Variants in MED12L observed in about 807,000 individuals in gnomAD.
MED12L encodes mediator complex subunit 12L.
MED12L carries 60 observed loss-of-function variants against 281.3 expected under a neutral mutation model. That is an observed-to-expected ratio of 0.21 (90% CI 0.17 to 0.26). The LOEUF is 0.26. Ranked by LOEUF, MED12L falls within the 10% of genes least tolerant of loss-of-function variation. The probability of loss-of-function intolerance (pLI) is 1.00; values close to 1 mark genes in which losing one functional copy is unlikely to be tolerated. For missense variants in MED12L, 2,146 were observed against 2,680.9 expected (o/e 0.80, Z 4.41); for synonymous variants, 974 against 987.2 (o/e 0.99, Z 0.25).
intron 2 of MED12L, among the ~76,000 whole-genome samples, chr3:151,095,262 T>C (rs1049298878): frequency 6.6e-6 from 1 of 152,218 alleles, no homozygotes; most frequent in Non-Finnish European, 1.5e-5. Context: ...AGCTTGAAAT[T>C]GGCCATACAA....
chr3:151,318,820 C>T (rs1007929299), intron 16 of MED12L, among the ~76,000 whole-genome samples: 1 of 152,134 alleles, frequency 6.6e-6, no homozygotes, highest in Non-Finnish European at 1.5e-5. Flanking sequence ...ATGAAATTTT[C>T]CTGTATAATG....
At chr3:151,151,284 G>A (rs1560097175) in intron 5 of MED12L, among the ~76,000 whole-genome samples, 2 of 151,806 alleles carry the variant, frequency 1.3e-5, no homozygotes, top group Admixed American at 6.6e-5. Flanking sequence ...TGATCCGCAT[G>A]CCTCTGCCTC....
chr3:151,146,635 G>T (rs1717797507), intron 5 of MED12L, among the ~76,000 whole-genome samples: 1 of 152,182 alleles, frequency 6.6e-6, no homozygotes, highest in Non-Finnish European at 1.5e-5. Context: ...GAGGGAAATG[G>T]CTGGTTTAAA....
chr3:151,133,378 G>C (rs983323596), intron 5 of MED12L, among the ~76,000 whole-genome samples: 2 of 152,156 alleles, frequency 1.3e-5, no homozygotes, highest in African/African-American at 4.8e-5. Flanking sequence ...TTGCTGCCCT[G>C]GGGAGCTTGC....
intron 16 of MED12L, among the ~76,000 whole-genome samples, chr3:151,308,815 G>T (rs1386881899): frequency 6.6e-6 from 1 of 152,234 alleles, no homozygotes; most frequent in African/African-American, 2.4e-5. Flanking sequence ...TAGAACTGTT[G>T]TCAGGTTAGC....
At chr3:151,398,023 G>A (rs1715206725) in intron 39 of MED12L, among the ~76,000 whole-genome samples, 1 of 152,074 alleles carries the variant, frequency 6.6e-6, no homozygotes, top group Non-Finnish European at 1.5e-5. Context: ...TCAGACACTG[G>A]GCTGTATACT....
rs558809421 is a variant in MED12L, at chr3:151,244,975, A to G, written c.2250+51309A>G. 7.9e-5 allele frequency among the ~76,000 whole-genome samples: 12 copies of G among 151,368 alleles called. No homozygotes were observed. The East Asian group carries it at 2.4e-3, about 30-fold the overall frequency. ...CCACAGAAATACAAACTACCATCAGATAATACTACAAACACCTCTACGCAA... is the reference window on the plus strand; with the variant it reads ...CCACAGAAATACAAACTACCATCAGGTAATACTACAAACACCTCTACGCAA... On this transcript the variant is annotated intron_variant, in intron 16 of 44. Transcript: ENST00000687756.
chr3:151,105,931 G>A (rs1721958179), intron 2 of MED12L, among the ~76,000 whole-genome samples: 1 of 152,148 alleles, frequency 6.6e-6, no homozygotes, highest in Non-Finnish European at 1.5e-5. Context: ...CAAAAGTCTA[G>A]GACATCGTTG....
intron 9 of MED12L, among the ~76,000 whole-genome samples, chr3:151,164,459 G>T (rs1720423783): frequency 6.6e-6 from 1 of 152,014 alleles, no homozygotes; most frequent in Admixed American, 6.6e-5. Context: ...TTGGGATCTA[G>T]AACTAGAAAT....
intron 16 of MED12L, among the ~76,000 whole-genome samples, chr3:151,223,543 G>A (rs534546362): frequency 1.3e-5 from 2 of 152,268 alleles, no homozygotes; most frequent in Non-Finnish European, 1.5e-5. Context: ...GCAGCAACAT[G>A]GTTGTAGCTA....
At chr3:151,220,634 C>T (rs920127871) in intron 16 of MED12L, among the ~76,000 whole-genome samples, 17 of 152,186 alleles carry the variant, frequency 1.1e-4, no homozygotes, top group Non-Finnish European at 1.8e-4. Flanking sequence ...GTTTTAAAAA[C>T]GAGAGTTGCC....
At chr3:151,242,234 CAA>C in intron 16 of MED12L, among the ~76,000 whole-genome samples, 1 of 152,258 alleles carries the variant, frequency 6.6e-6, no homozygotes, top group East Asian at 1.9e-4. Flanking sequence ...ATTAGGTAAA[CAA>C]AGCAGCCGGG....
intron 16 of MED12L, among the ~76,000 whole-genome samples, chr3:151,314,939 T>C: frequency 6.6e-6 from 1 of 152,222 alleles, no homozygotes; most frequent in East Asian, 1.9e-4. Context: ...GTCATTTTGC[T>C]GTGAGTCCTG....
chr3:151,192,614 A>G lies in MED12L; in HGVS notation c.2033A>G (p.Asp678Gly). 6.5e-7 allele frequency: 1 copy of G among 1,536,412 alleles called. No individual in the cohort carries two copies. The highest frequency in any genetic ancestry group is 8.7e-7 in the Non-Finnish European group (1 of 1,146,844). Residue 678 changes from aspartate (D) to glycine (G), a missense_variant, in exon 15 of 45, where the codon GAC becomes GGC. This residue lies in a region of MED12L where 722 missense variants were observed against 861.2 expected (regional missense o/e 0.84). Coordinates refer to ENST00000687756, the MANE Select transcript of MED12L (RefSeq NM_001393769.1). ...SGTTNIFDEV[D>G]KSDFKTDFGS... Reference sequence around the variant, plus strand: ...ACCACTAACATTTTTGATGAAGTAGACAAGAGTGACTTTAAAACTGACTTT... The same window carrying G: ...ACCACTAACATTTTTGATGAAGTAGGCAAGAGTGACTTTAAAACTGACTTT...
At position 151,411,376 on chromosome 3, in the gene MED12L, C is replaced by G. The variant is rs34145831; in HGVS notation, c.6009C>G (p.Asn2003Lys). ...GTGTGGTCCTGTCTCCCAGCTATAACTCCAGAGCCTATCCGGCCGCACATT... is the reference window on the plus strand; with the variant it reads ...GTGTGGTCCTGTCTCCCAGCTATAAGTCCAGAGCCTATCCGGCCGCACATT... ...AGSVVLSPSYNSRAYPAAHSN... is the reference protein window; with the variant it reads ...AGSVVLSPSYKSRAYPAAHSN... Residue 2003 changes from asparagine to lysine, a missense_variant, in exon 41 of 45, where the codon AAC becomes AAG. This residue lies in a region of MED12L where 496 missense variants were observed against 512.0 expected (regional missense o/e 0.97). Coordinates refer to ENST00000687756, the MANE Select transcript of MED12L (RefSeq NM_001393769.1). 1.2e-6 allele frequency: 2 copies of G among 1,614,182 alleles called. No individual in the cohort carries two copies. Among genetic ancestry groups the G allele is most frequent in the South Asian group, 1.1e-5 (1 of 91,082 alleles).
intron 5 of MED12L, among the ~76,000 whole-genome samples, chr3:151,137,255 A>G (rs1222126801): frequency 2.0e-5 from 3 of 152,134 alleles, no homozygotes; most frequent in African/African-American, 4.8e-5. Context: ...TGTATTTTAC[A>G]ACCAAGTACA....
chr3:151,406,439 A>G (rs1281842861), intron 39 of MED12L, among the ~76,000 whole-genome samples: 1 of 152,236 alleles, frequency 6.6e-6, no homozygotes, highest in African/African-American at 2.4e-5. Context: ...TTTTCTTTTT[A>G]GGAGCACATG....
chr3:151,090,437 G>A (rs1719877228), intron 2 of MED12L, among the ~76,000 whole-genome samples: 1 of 152,020 alleles, frequency 6.6e-6, no homozygotes, highest in African/African-American at 2.4e-5. Context: ...TTTGCATCTT[G>A]CCATCTCCCC....
intron 16 of MED12L, among the ~76,000 whole-genome samples, chr3:151,289,961 A>G (rs988673125): frequency 6.6e-6 from 1 of 151,468 alleles, no homozygotes; most frequent in African/African-American, 2.4e-5. Flanking sequence ...GATCACTGCA[A>G]CCTCCGCCTC....
Sources: gnomAD v4.1 joint callset for allele counts (sites outside exome capture counted in the v4.1 genomes callset) on GRCh38, gnomAD v4.1.1 for gene constraint, gnomAD v4.1.1 regional missense constraint, MANE v1.5 for transcripts, NCBI Gene and HGNC (gene_info 2026-07-23, HGNC 2026-07-21) for gene names.